The following RANBP2 variants were observed in gnomAD, a reference collection of about 807,000 sequenced individuals.
The protein encoded by RANBP2 is RAN binding protein 2, also known as E3 SUMO-protein ligase RanBP2.
In RANBP2, 57 loss-of-function variants were observed where a neutral mutation model predicts 303.6. The observed-to-expected ratio is 0.19, with a 90% CI of 0.15 to 0.23. The LOEUF (loss-of-function observed/expected upper bound fraction) is 0.23. Ranked by LOEUF, RANBP2 falls within the 10% of genes least tolerant of loss-of-function variation. RANBP2 has a pLI of 1.00. For synonymous variants in RANBP2, 1,167 were observed against 1,301.5 expected (o/e 0.90, Z 2.23); for missense variants, 3,138 against 3,780.8 (o/e 0.83, Z 4.46).
chr2:109,268,504 T>C, the RANBP2 span, among the ~76,000 whole-genome samples: 1 of 152,134 alleles, frequency 6.6e-6, no homozygotes, highest in Non-Finnish European at 1.5e-5. Context: ...CCAAGCAACC[T>C]CTGTCCAGCA....
the RANBP2 span, among the ~76,000 whole-genome samples, chr2:109,418,322 G>T: frequency 2.6e-5 from 4 of 152,112 alleles, no homozygotes; most frequent in Admixed American, 2.0e-4. Context: ...GAGGCTTCCA[G>T]AGCAGTACCA....
chr2:108,747,982 G>T (rs570838373), intron 8 of RANBP2, among the ~76,000 whole-genome samples: 6 of 151,986 alleles, frequency 3.9e-5, no homozygotes, highest in African/African-American at 1.5e-4. Context: ...CTCAGCCTTG[G>T]CAACTGCTAA....
At chr2:109,243,305 C>A in the RANBP2 span, among the ~76,000 whole-genome samples, 1 of 152,262 alleles carries the variant, frequency 6.6e-6, no homozygotes, top group Non-Finnish European at 1.5e-5. Flanking sequence ...GATCCTGAGA[C>A]TCCCGTGTGC....
At chr2:109,220,547 G>T in the RANBP2 span, among the ~76,000 whole-genome samples, 1 of 152,086 alleles carries the variant, frequency 6.6e-6, no homozygotes, top group Non-Finnish European at 1.5e-5. Flanking sequence ...ATGAATATCT[G>T]GAATATATAA....
chr2:108,883,055 C>A, the RANBP2 span: 3 of 152,140 alleles, frequency 2.0e-5, no homozygotes, highest in Admixed American at 6.6e-5. Flanking sequence ...CAGCAGTGTT[C>A]AATTCATTTC....
the RANBP2 span, among the ~76,000 whole-genome samples, chr2:109,097,129 C>T: frequency 3.3e-5 from 5 of 152,116 alleles, no homozygotes; most frequent in African/African-American, 1.2e-4. Context: ...CATGGTGAAA[C>T]CCCGTCTCTA....
Position 108,768,345 on chromosome 2 carries a change from G to C in RANBP2, c.7806G>C (p.Thr2602=). 1 of 1,611,880 alleles carries C rather than the reference G, an allele frequency of 6.2e-7. No homozygotes were observed. Among genetic ancestry groups the C allele is most frequent in the South Asian group, 1.1e-5 (1 of 90,988 alleles). The change falls in exon 20 of 29, where the codon ACG becomes ACC. Residue 2602 remains threonine (T), a synonymous_variant. Transcript: ENST00000283195. ...AAAATCTCTTTGCTTCCTTTCCAAC[G>C]GAAGAATCTTCAATCAACTACACAT... ...KVKNLFASFP[T]EESSINYTFK... is the part of the protein sequence containing the mutation.
chr2:109,132,108 A>G, the RANBP2 span, among the ~76,000 whole-genome samples: 5 of 152,176 alleles, frequency 3.3e-5, no homozygotes, highest in Non-Finnish European at 7.3e-5. Flanking sequence ...GGAAAGTTGA[A>G]TGCTGGATGT....
intron 18 of RANBP2, among the ~76,000 whole-genome samples, chr2:108,760,878 T>C (rs557553886): frequency 1.3e-5 from 2 of 152,184 alleles, no homozygotes; most frequent in Non-Finnish European, 2.9e-5. Flanking sequence ...TTTTTTGACC[T>C]GAACATTCTC....
the RANBP2 span, among the ~76,000 whole-genome samples, chr2:109,458,572 C>CAGAGAGAGAGAGAGAGAGAG: frequency 0.014 from 1,679 of 122,950 alleles, 119 homozygotes; most frequent in African/African-American, 0.022. Context: ...CAGCAGGAGA[C>CAGAGAGAGAGAGAGAGAGAG]AGAGAGAGAG....
the RANBP2 span, among the ~76,000 whole-genome samples, chr2:109,447,769 G>A: frequency 4.6e-5 from 7 of 152,306 alleles, no homozygotes; most frequent in African/African-American, 1.7e-4. Context: ...TTAATGTGGT[G>A]CTGTGTTTAA....
chr2:109,129,102 C>T, the RANBP2 span: 3 of 366,240 alleles, frequency 8.2e-6, no homozygotes, highest in Admixed American at 1.1e-4. Flanking sequence ...GCCAGCTGCG[C>T]GGAGGAGCGT....
chr2:108,833,220 A>G, the RANBP2 span, among the ~76,000 whole-genome samples: 3 of 152,250 alleles, frequency 2.0e-5, no homozygotes, highest in Non-Finnish European at 4.4e-5. Flanking sequence ...TATACAACAG[A>G]GTGAATCCTA....
chr2:108,733,030 G>T (rs544658931), intron 4 of RANBP2, among the ~76,000 whole-genome samples: 5 of 151,954 alleles, frequency 3.3e-5, no homozygotes, highest in Non-Finnish European at 7.4e-5. Context: ...CACCATGTTG[G>T]CCTGGCTGGT....
the RANBP2 span, among the ~76,000 whole-genome samples, chr2:108,918,894 G>C: frequency 6.6e-6 from 1 of 152,162 alleles, no homozygotes; most frequent in Non-Finnish European, 1.5e-5. Context: ...GTCAACAAGG[G>C]GTCCCAGACT....
chr2:108,849,412 A>C, the RANBP2 span, among the ~76,000 whole-genome samples: 1 of 152,088 alleles, frequency 6.6e-6, no homozygotes, highest in Non-Finnish European at 1.5e-5. Context: ...CCTCCTCTAG[A>C]TACATGTGTG....
chr2:109,551,457 G>A, the RANBP2 span, among the ~76,000 whole-genome samples: 1 of 152,136 alleles, frequency 6.6e-6, no homozygotes, highest in Non-Finnish European at 1.5e-5. Flanking sequence ...ATCTGTGATT[G>A]CATCCTGGTT....
the RANBP2 span, chr2:108,931,002 CCA>C: frequency 6.2e-7 from 1 of 1,614,016 alleles, no homozygotes; most frequent in Non-Finnish European, 8.5e-7. Context: ...GTGCAGTCCC[CCA>C]CATGGGCCAT....
At chr2:109,495,758 C>T in the RANBP2 span, among the ~76,000 whole-genome samples, 1 of 152,246 alleles carries the variant, frequency 6.6e-6, no homozygotes, top group African/African-American at 2.4e-5. Flanking sequence ...TCCCAGAGTG[C>T]TGGGCGTGAG....
Sources: gnomAD v4.1 joint callset for allele counts (sites outside exome capture counted in the v4.1 genomes callset) on GRCh38, gnomAD v4.1.1 for gene constraint, MANE v1.5 for transcripts, NCBI Gene and HGNC (gene_info 2026-07-23, HGNC 2026-07-21) for gene names.